Variants in GALNT9 observed in about 807,000 individuals in gnomAD.
The protein encoded by GALNT9 is GalNAc transferase 9.
GALNT9 carries 47 observed loss-of-function variants against 63.1 expected under a neutral mutation model. The ratio of observed to expected loss-of-function variants is 0.75; its 90% CI spans 0.59 to 0.95. The LOEUF (loss-of-function observed/expected upper bound fraction) is 0.95. Ranked by LOEUF, GALNT9 falls within the 40% of genes least tolerant of loss-of-function variation. GALNT9 has a pLI of 0.00. For missense variants in GALNT9, 829 were observed against 874.8 expected (o/e 0.95, Z 0.66); for synonymous variants, 396 against 365.7 (o/e 1.08, Z -0.94).
chr12:132,287,059 G>GCCCCCCC (rs57471643), intron 1 of GALNT9, among the ~76,000 whole-genome samples: 4 of 80,578 alleles, frequency 5.0e-5, no homozygotes, highest in African/African-American at 1.2e-4. Flanking sequence ...CTGAGTGAGC[G>GCCCCCCC]CCCCCCCCCC....
chr12:132,287,826 C>T (rs1555242352), intron 1 of GALNT9, among the ~76,000 whole-genome samples: 2 of 151,904 alleles, frequency 1.3e-5, no homozygotes. Context: ...ATGCTGTTCC[C>T]AGGGGGACGG....
chr12:132,295,964 C>T (rs958855365), intron 1 of GALNT9, among the ~76,000 whole-genome samples: 29 of 149,280 alleles, frequency 1.9e-4, no homozygotes, highest in African/African-American at 5.2e-4. Context: ...GGACGGCCTC[C>T]GGAACAGGGA....
chr12:132,282,627 A>T lies in GALNT9; in HGVS notation c.419+3623T>A, dbSNP rs1217813511. On this transcript the variant is annotated intron_variant, in intron 2 of 10. Transcript: ENST00000328957. The surrounding 1 kb of genome is among the most constrained non-coding windows in gnomAD (Gnocchi z 4.5). Reference sequence around the variant, plus strand: ...GGTTGCTGCAGCTCCCCCAGCTCCCAGCCTTGGTTTCATCTTGTGGGAAAA... The same window carrying T: ...GGTTGCTGCAGCTCCCCCAGCTCCCTGCCTTGGTTTCATCTTGTGGGAAAA... Among the ~76,000 whole-genome samples, 1 of 151,374 alleles carries T rather than the reference A, an allele frequency of 6.6e-6. No individual in the cohort carries two copies. The highest frequency in any genetic ancestry group is 1.5e-5 in the Non-Finnish European group (1 of 67,882).
At chr12:132,305,527 G>A (rs1224097148) in intron 1 of GALNT9, among the ~76,000 whole-genome samples, 4 of 122,582 alleles carry the variant, frequency 3.3e-5, no homozygotes, top group African/African-American at 1.0e-4. Flanking sequence ...AGCCTCACCC[G>A]GGCACACCCT....
At chr12:132,292,477 C>T (rs1477152725) in intron 1 of GALNT9, among the ~76,000 whole-genome samples, 2 of 152,350 alleles carry the variant, frequency 1.3e-5, no homozygotes, top group East Asian at 1.9e-4. Context: ...GAGTCTCTGA[C>T]TCCCTCGAGG....
chr12:132,300,720 T>G (rs904085333), intron 1 of GALNT9, among the ~76,000 whole-genome samples: 6 of 149,716 alleles, frequency 4.0e-5, no homozygotes, highest in Admixed American at 1.3e-4. Flanking sequence ...CCACCACACC[T>G]AACCCATCCC....
At chr12:132,297,398 T>A (rs1416315465) in intron 1 of GALNT9, among the ~76,000 whole-genome samples, 1 of 147,246 alleles carries the variant, frequency 6.8e-6, no homozygotes, top group East Asian at 2.0e-4. Context: ...GATAACCAAC[T>A]CACTCCTACA....
intron 3 of GALNT9, among the ~76,000 whole-genome samples, chr12:132,261,988 G>T (rs1555239805): frequency 6.6e-6 from 1 of 152,232 alleles, no homozygotes; most frequent in Non-Finnish European, 1.5e-5. Context: ...GCCTCTGTGG[G>T]CAAGAGAGGT....
intron 1 of GALNT9, among the ~76,000 whole-genome samples, chr12:132,317,355 C>A (rs1466823550): frequency 1.3e-5 from 2 of 152,212 alleles, no homozygotes; most frequent in Non-Finnish European, 2.9e-5. Flanking sequence ...CCCCCCCAGG[C>A]CACACCCTCT....
rs1869197059 is a variant in GALNT9, at chr12:132,329,336, TC to T, written c.-134del. On this transcript the variant is annotated 5_prime_UTR_variant, in exon 1 of 11. Coordinates refer to ENST00000328957, the MANE Select transcript of GALNT9 (RefSeq NM_001122636.2). ...GGGCTGCGGGGCTCGGCCGGAGCTG[TC>T]CCTTCAGCACCAGCTCAGCGCGCCG... 7.5e-7 allele frequency: 1 copy of T among 1,335,186 alleles called. No homozygotes were observed. The highest frequency in any genetic ancestry group is 1.5e-5 in the African/African-American group (1 of 64,996). 82.7% of individuals were successfully genotyped at this position (1,335,186 alleles called of 1,614,324 possible). A position where few individuals can be genotyped will look rare whatever the true frequency, so the allele number is the denominator to read the frequency against.
At chr12:132,218,346 C>G (rs376589129) in intron 6 of GALNT9, among the ~76,000 whole-genome samples, 94 of 152,306 alleles carry the variant, frequency 6.2e-4, no homozygotes, top group African/African-American at 2.0e-3. Context: ...ATCCTGACCC[C>G]CAGGTTGTCT....
chr12:132,227,810 G>A (rs1877753266), intron 6 of GALNT9, among the ~76,000 whole-genome samples: 1 of 152,106 alleles, frequency 6.6e-6, no homozygotes, highest in Non-Finnish European at 1.5e-5. Context: ...AGGGTCCAAA[G>A]GCAACGTGGA....
At chr12:132,210,266 C>G (rs114051079) in intron 6 of GALNT9, among the ~76,000 whole-genome samples, 4,914 of 152,358 alleles carry the variant, frequency 0.032, 249 homozygotes, top group African/African-American at 0.11. Flanking sequence ...CCTGTACATT[C>G]AGGACTGACG....
chr12:132,302,267 C>CACACAG (rs1491396034), intron 1 of GALNT9, among the ~76,000 whole-genome samples: 4 of 151,312 alleles, frequency 2.6e-5, no homozygotes, highest in Admixed American at 6.6e-5. Context: ...CACACACACA[C>CACACAG]AGGATCACCT....
chr12:132,216,290 G>A (rs913533700), intron 6 of GALNT9, among the ~76,000 whole-genome samples: 5 of 152,216 alleles, frequency 3.3e-5, no homozygotes, highest in Non-Finnish European at 7.3e-5. Flanking sequence ...AACAGAGGAA[G>A]ACAGAGAGAC....
At chr12:132,258,559 G>A (rs1369810014) in intron 4 of GALNT9, among the ~76,000 whole-genome samples, 2 of 152,212 alleles carry the variant, frequency 1.3e-5, no homozygotes, top group Non-Finnish European at 2.9e-5. Flanking sequence ...GCTGCCCTGG[G>A]TAGTGACTGG....
intron 1 of GALNT9, among the ~76,000 whole-genome samples, chr12:132,308,741 AGT>A (rs1202177354): frequency 7.9e-5 from 12 of 152,298 alleles, no homozygotes; most frequent in African/African-American, 2.9e-4. Flanking sequence ...TTGCATAGAC[AGT>A]GAGGCTCACC....
At position 132,219,820 on chromosome 12, in the gene GALNT9, C is replaced by T. The variant is rs112345411; in HGVS notation, c.1078-16130G>A. ...ACACCTCCCCAGGGTGACACCCGCC[C>T]GGGTAAGGGGAAGGGGCACCTCCCC... On this transcript the variant is annotated intron_variant, in intron 6 of 10. Transcript: ENST00000328957. 3.8e-4 allele frequency among the ~76,000 whole-genome samples: 52 copies of T among 137,866 alleles called. 2 individuals carry two copies. The highest frequency in any genetic ancestry group is 9.3e-4 in the African/African-American group (33 of 35,516). The allele number at this position is 137,866 out of a possible 152,430, so 90.4% of individuals were successfully genotyped here.
At chr12:132,215,797 C>T (rs1267755670) in intron 6 of GALNT9, among the ~76,000 whole-genome samples, 5 of 152,098 alleles carry the variant, frequency 3.3e-5, no homozygotes, top group East Asian at 1.9e-4. Context: ...GGACCCAGCA[C>T]GGGACCCAGG....
Sources: allele counts gnomAD v4.1 joint callset (sites outside exome capture counted in the v4.1 genomes callset), GRCh38; gene constraint gnomAD v4.1.1; non-coding constraint Gnocchi (gnomAD v3.1); transcripts MANE v1.5; gene names NCBI Gene and HGNC (gene_info 2026-07-23, HGNC 2026-07-21).